AGBL1: variants seen among roughly 807,000 people sequenced by gnomAD.
AGBL1 encodes the protein AGBL carboxypeptidase 1.
In AGBL1, 130 loss-of-function variants were observed where a neutral mutation model predicts 118.9. The observed-to-expected ratio is 1.09, with a 90% CI of 0.95 to 1.26. The LOEUF (loss-of-function observed/expected upper bound fraction) is 1.26. AGBL1 is among the 50% of genes most tolerant of loss of function. The pLI is 0.00. For missense variants in AGBL1, 1,584 were observed against 1,298.1 expected, an observed-to-expected ratio of 1.22 and a Z score of -3.38; for synonymous variants, 555 against 478.9, an observed-to-expected ratio of 1.16 and a Z score of -2.08.
At chr15:86,807,058 C>T (rs1050030395) in intron 22 of AGBL1, among the ~76,000 whole-genome samples, 1 of 152,090 alleles carries the variant, frequency 6.6e-6, no homozygotes, top group Non-Finnish European at 1.5e-5. Flanking sequence ...TGGCTCAAAA[C>T]TAGCTCTAAC....
chr15:86,582,816 A>C (rs2084189079), intron 21 of AGBL1, among the ~76,000 whole-genome samples: 1 of 144,384 alleles, frequency 6.9e-6, no homozygotes, highest in Non-Finnish European at 1.5e-5. Flanking sequence ...AACAATGAGA[A>C]CACATGGACA....
chr15:87,029,832 C>G (rs956936571), downstream of AGBL1, among the ~76,000 whole-genome samples: 17 of 151,802 alleles, frequency 1.1e-4, no homozygotes, highest in Non-Finnish European at 1.6e-4. Flanking sequence ...CACATGCAAA[C>G]ACATGCACAC....
intron 22 of AGBL1, among the ~76,000 whole-genome samples, chr15:86,796,077 T>C (rs1316802672): frequency 1.2e-4 from 18 of 152,088 alleles, no homozygotes; most frequent in Admixed American, 1.0e-3. Context: ...GAGGCACACA[T>C]TGGTACAATT....
At chr15:86,212,664 T>C (rs1423818536) in intron 5 of AGBL1, among the ~76,000 whole-genome samples, 2 of 152,200 alleles carry the variant, frequency 1.3e-5, no homozygotes, top group African/African-American at 4.8e-5. Flanking sequence ...ATTTTTTATT[T>C]TTTGGGACAG....
intron 17 of AGBL1, among the ~76,000 whole-genome samples, chr15:86,301,899 A>G (rs1435867327): frequency 5.3e-5 from 8 of 152,152 alleles, no homozygotes; most frequent in Non-Finnish European, 1.2e-4. Flanking sequence ...TGGCAATCCA[A>G]AAACTATTCT....
intron 6 of AGBL1, among the ~76,000 whole-genome samples, chr15:86,242,137 C>A (rs1393154404): frequency 6.6e-6 from 1 of 152,134 alleles, no homozygotes; most frequent in African/African-American, 2.4e-5. Flanking sequence ...GCCTCCCCAG[C>A]CTCACAATTC....
rs761775810 is a variant in AGBL1, at chr15:86,159,039, A to G, written c.488+13A>G. ...CCCAAGCAATCAGGTACAGAGTGCC[A>G]TGTAATACTTCTGCCCCTTTTGTAA... On this transcript the variant is annotated intron_variant, in intron 5 of 22. Coordinates refer to ENST00000614907, the MANE Select transcript of AGBL1 (RefSeq NM_001386094.1). 5 of 1,610,304 alleles carry G rather than the reference A, an allele frequency of 3.1e-6. No individual in the cohort carries two copies. The Admixed American group carries it at 5.0e-5, about 16-fold the overall frequency.
intron 17 of AGBL1, among the ~76,000 whole-genome samples, chr15:86,315,014 G>A (rs948035502): frequency 3.3e-5 from 5 of 152,170 alleles, no homozygotes; most frequent in Non-Finnish European, 7.3e-5. Flanking sequence ...TAAGGTTGTG[G>A]TGAGGATTAA....
At chr15:86,164,831 C>T (rs1487256977) in intron 5 of AGBL1, among the ~76,000 whole-genome samples, 1 of 152,202 alleles carries the variant, frequency 6.6e-6, no homozygotes, top group Non-Finnish European at 1.5e-5. Flanking sequence ...AGAAAGAGGA[C>T]TCGGGCTGCT....
rs149539990 is a variant in AGBL1 at position 86,196,868 on chromosome 15, TGC to T, written c.489-28035_489-28034del. Among the ~76,000 whole-genome samples, 113 of 95,744 alleles carry T rather than the reference TGC, an allele frequency of 1.2e-3. 1 individual carries two copies. Among genetic ancestry groups the T allele is most frequent in the South Asian group, 8.5e-3 (19 of 2,234 alleles). 62.8% of individuals were successfully genotyped at this position (95,744 alleles called of 152,430 possible). ...CCCTGCATATGCGAATGTGCACATG[TGC>T]GCGCGCGCGCACACACACACACACA... On this transcript the variant is annotated intron_variant, in intron 5 of 22. Transcript: ENST00000614907.
intron 23 of AGBL1, among the ~76,000 whole-genome samples, chr15:86,958,196 T>C (rs1249552643): frequency 1.4e-5 from 2 of 145,394 alleles, no homozygotes; most frequent in Non-Finnish European, 3.0e-5. Flanking sequence ...TAGAGCAAGA[T>C]CTTGTTTCTT....
chr15:86,664,198 G>A (rs1252565737), intron 21 of AGBL1, among the ~76,000 whole-genome samples: 2 of 152,142 alleles, frequency 1.3e-5, no homozygotes, highest in South Asian at 2.1e-4. Flanking sequence ...GGCTTTATAC[G>A]GAGGAGCCCA....
intron 22 of AGBL1, among the ~76,000 whole-genome samples, chr15:86,700,539 T>G (rs1204316066): frequency 6.6e-6 from 1 of 151,006 alleles, no homozygotes; most frequent in Non-Finnish European, 1.5e-5. Flanking sequence ...GTCTTTCTCT[T>G]GACAAGAAGT....
chr15:87,016,372 T>C (rs1173564178), intron 24 of AGBL1, among the ~76,000 whole-genome samples: 1 of 152,190 alleles, frequency 6.6e-6, no homozygotes, highest in East Asian at 1.9e-4. Context: ...AGATGGTCTC[T>C]CAGACAAAGG....
At chr15:86,183,402 G>A (rs2077580291) in intron 5 of AGBL1, among the ~76,000 whole-genome samples, 1 of 152,150 alleles carries the variant, frequency 6.6e-6, no homozygotes, top group Admixed American at 6.5e-5. Flanking sequence ...GGGATAATGA[G>A]TCCAAAATAG....
At chr15:86,803,682 G>T (rs893705536) in intron 22 of AGBL1, among the ~76,000 whole-genome samples, 1 of 152,070 alleles carries the variant, frequency 6.6e-6, no homozygotes, top group Non-Finnish European at 1.5e-5. Context: ...TTGCTTCTTG[G>T]TAAGGACAAA....
At chr15:86,917,407 A>T (rs1312877223), downstream of AGBL1, among the ~76,000 whole-genome samples, 1 of 152,128 alleles carries the variant, frequency 6.6e-6, no homozygotes, top group African/African-American at 2.4e-5. This position sits in a 1 kb window ranked among gnomAD's most constrained non-coding sequence, Gnocchi z 4.8. Context: ...AATCAAAATG[A>T]CTTTCAAATC....
chr15:86,636,760 C>CACACATACAT lies in AGBL1; in HGVS notation c.2995-37510_2995-37509insCATACATACA, dbSNP rs1555432762. Among the ~76,000 whole-genome samples, 2 of 27,498 alleles carry CACACATACAT rather than the reference C, an allele frequency of 7.3e-5. 1 individual carries two copies. The highest frequency in any genetic ancestry group is 1.2e-4 in the Non-Finnish European group (2 of 16,202). The allele number at this position is 27,498 out of a possible 152,430, so 18.0% of individuals were successfully genotyped here. ...ATATATATATATATATATATATATA[C>CACACATACAT]ACATACATACAGAAAGGCAAGAGAA... On this transcript the variant is annotated intron_variant, in intron 21 of 22. Coordinates refer to ENST00000614907, the MANE Select transcript of AGBL1 (RefSeq NM_001386094.1).
At chr15:86,145,170 A>G (rs922394007) in intron 3 of AGBL1, among the ~76,000 whole-genome samples, 4 of 152,138 alleles carry the variant, frequency 2.6e-5, no homozygotes, top group Non-Finnish European at 4.4e-5. Flanking sequence ...AAATCTGCAA[A>G]GATTCTGTTT....
Sources: allele counts gnomAD v4.1 joint callset (sites outside exome capture counted in the v4.1 genomes callset), GRCh38; gene constraint gnomAD v4.1.1; non-coding constraint Gnocchi (gnomAD v3.1); transcripts MANE v1.5; gene names NCBI Gene and HGNC (gene_info 2026-07-23, HGNC 2026-07-21).